The following DOCK7 variants were observed in gnomAD, a reference collection of about 807,000 sequenced individuals.
The protein encoded by DOCK7 is dedicator of cytokinesis protein 7.
DOCK7 carries 138 observed loss-of-function variants against 271.0 expected under a neutral mutation model. That is an observed-to-expected ratio of 0.51 (90% CI 0.44 to 0.59). The LOEUF is 0.59. DOCK7 is among the 20% of genes least tolerant of loss of function. The pLI is 0.00. For missense variants in DOCK7, 2,066 were observed against 2,592.4 expected, an observed-to-expected ratio of 0.80 and a Z score of 4.41; for synonymous variants, 823 against 876.1, an observed-to-expected ratio of 0.94 and a Z score of 1.07.
intron 34 of DOCK7, among the ~76,000 whole-genome samples, chr1:62,508,971 C>G (rs895277453): frequency 6.6e-6 from 1 of 152,076 alleles, no homozygotes; most frequent in Non-Finnish European, 1.5e-5. Flanking sequence ...TAAACACTAA[C>G]TTTTCTAAGT....
chr1:62,653,684 T>C (rs751880433), intron 4 of DOCK7, 41 bp downstream of exon 4: 5 of 1,267,288 alleles, frequency 3.9e-6, no homozygotes, highest in Admixed American at 1.7e-5. Flanking sequence ...TTAGAAATCT[T>C]ACTCAATATT....
At chr1:62,479,511 G>A (rs1220885517) in intron 43 of DOCK7, among the ~76,000 whole-genome samples, 6 of 151,702 alleles carry the variant, frequency 4.0e-5, no homozygotes, top group African/African-American at 1.5e-4. Context: ...AAAACCATAA[G>A]TAAGCCAAAA....
intron 28 of DOCK7, among the ~76,000 whole-genome samples, chr1:62,536,493 A>C (rs1645350023): frequency 6.6e-6 from 1 of 152,220 alleles, no homozygotes; most frequent in African/African-American, 2.4e-5. Flanking sequence ...TTGGCAGAGG[A>C]CAGGGAAAGA....
chr1:62,618,592 AGAGTT>A (rs551890928), intron 14 of DOCK7, 109 bp downstream of exon 14: 191 of 886,862 alleles, frequency 2.2e-4, no homozygotes, highest in Non-Finnish European at 3.0e-4. Context: ...GGTAAGAGAT[AGAGTT>A]AAGTAACAAA....
chr1:62,657,196 T>A (rs1658121121), intron 2 of DOCK7, among the ~76,000 whole-genome samples: 1 of 152,082 alleles, frequency 6.6e-6, no homozygotes. Flanking sequence ...CACCCTTGGG[T>A]GTCAGTGGTG....
intron 1 of DOCK7, among the ~76,000 whole-genome samples, chr1:62,666,448 A>C (rs1012305999): frequency 6.6e-6 from 1 of 152,236 alleles, no homozygotes; most frequent in Non-Finnish European, 1.5e-5. Context: ...TAATTTGAAA[A>C]TAAGTTGTGA....
At chr1:62,620,904 A>AG (rs1653132740) in intron 12 of DOCK7, among the ~76,000 whole-genome samples, 1 of 149,584 alleles carries the variant, frequency 6.7e-6, no homozygotes, top group African/African-American at 2.5e-5. Flanking sequence ...AAAAAAAAAA[A>AG]GGAAAGAAAA....
intron 7 of DOCK7, 121 bp from the exon 8 acceptor site, chr1:62,636,724 C>T: frequency 1.3e-6 from 1 of 749,028 alleles, no homozygotes; most frequent in South Asian, 1.9e-5. Context: ...TGTGCCTTTG[C>T]CTATATTAAA....
rs772818546 is a variant in DOCK7, at chr1:62,577,325, G to A, written c.2049C>T (p.Gly683=). 12 of 1,591,040 alleles carry A rather than the reference G, an allele frequency of 7.5e-6. No individual in the cohort carries two copies. In the Admixed American group the frequency reaches 1.7e-4, roughly 22 times the overall value. ...PMLQNGRLKT[G]QFCLPVSLEK... The stretch of plus-strand genomic sequence containing the variant: ...CCAATGAGACTGGCAAGCAAAACTG[G>A]CCAGTCTTCAACCGTCCATTCTGAA... The change falls in exon 18 of 50, where the codon GGC becomes GGT. Residue 683 remains glycine, a synonymous_variant. Transcript: ENST00000635253.
intron 7 of DOCK7, among the ~76,000 whole-genome samples, chr1:62,638,754 T>C (rs1187045290): frequency 1.3e-5 from 2 of 150,800 alleles, no homozygotes; most frequent in South Asian, 2.1e-4. Flanking sequence ...AACACATACA[T>C]AGACAAGACA....
chr1:62,521,114 G>C (rs559089986), intron 31 of DOCK7, among the ~76,000 whole-genome samples: 1 of 148,346 alleles, frequency 6.7e-6, no homozygotes, highest in Non-Finnish European at 1.5e-5. Context: ...GGGTAGGGGG[G>C]TAGGGGAGGG....
intron 43 of DOCK7, chr1:62,486,920 AG>A (rs1646310548): frequency 6.6e-6 from 1 of 152,106 alleles, no homozygotes; most frequent in African/African-American, 2.4e-5. Flanking sequence ...TTTAATACAC[AG>A]GGATTTTTTT....
At chr1:62,563,306 G>A (rs796162577) in intron 18 of DOCK7, among the ~76,000 whole-genome samples, 15 of 152,180 alleles carry the variant, frequency 9.9e-5, no homozygotes, top group African/African-American at 2.2e-4. Context: ...ATCTAGAGTC[G>A]CATGGTAACT....
chr1:62,548,236 C>T (rs552956515), intron 22 of DOCK7, among the ~76,000 whole-genome samples: 1 of 148,894 alleles, frequency 6.7e-6, no homozygotes, highest in Non-Finnish European at 1.5e-5. Context: ...AGACAAAAAA[C>T]AGAATAACAG....
chr1:62,594,943 C>G (rs1184660519), intron 14 of DOCK7, among the ~76,000 whole-genome samples: 4 of 152,028 alleles, frequency 2.6e-5, no homozygotes, highest in Non-Finnish European at 4.4e-5. Flanking sequence ...TATTTCATGA[C>G]CAATAATTAC....
At chr1:62,465,788 G>T (rs1473408369) in intron 48 of DOCK7, among the ~76,000 whole-genome samples, 1 of 152,182 alleles carries the variant, frequency 6.6e-6, no homozygotes, top group East Asian at 1.9e-4. Context: ...CTGACCTCAT[G>T]ATCCACCTGT....
At chr1:62,615,316 C>A (rs1048247342) in intron 14 of DOCK7, among the ~76,000 whole-genome samples, 3 of 151,814 alleles carry the variant, frequency 2.0e-5, no homozygotes, top group Non-Finnish European at 1.5e-5. Flanking sequence ...TACTCTTATA[C>A]TAGAAAATTA....
intron 16 of DOCK7, among the ~76,000 whole-genome samples, chr1:62,582,523 C>T (rs1647164660): frequency 8.7e-6 from 1 of 114,984 alleles, no homozygotes; most frequent in Non-Finnish European, 1.7e-5. Context: ...GCACTCCAGC[C>T]TGGGGGACAG....
At chr1:62,525,235 C>T (rs911828451) in intron 31 of DOCK7, among the ~76,000 whole-genome samples, 1 of 151,860 alleles carries the variant, frequency 6.6e-6, no homozygotes, top group Non-Finnish European at 1.5e-5. Flanking sequence ...TCTCGAACTC[C>T]TGACTTCAAG....
Sources: allele counts gnomAD v4.1 joint callset (sites outside exome capture counted in the v4.1 genomes callset), GRCh38; gene constraint gnomAD v4.1.1; transcripts MANE v1.5; gene names NCBI Gene and HGNC (gene_info 2026-07-23, HGNC 2026-07-21).